Variants in ATP10B observed in about 807,000 individuals in gnomAD.
The protein encoded by ATP10B is ATPase phospholipid transporting 10B (putative).
ATP10B carries 122 observed loss-of-function variants against 141.2 expected under a neutral mutation model. The ratio of observed to expected loss-of-function variants is 0.86; its 90% confidence interval spans 0.75 to 1.00. ATP10B has a LOEUF of 1.00. Among genes scored for constraint, ATP10B ranks in the 50% least tolerant of loss-of-function variants. The pLI is 0.00. For synonymous variants in ATP10B, 685 were observed against 692.0 expected (o/e 0.99, Z 0.16); for missense variants, 1,876 against 1,825.3 (o/e 1.03, Z -0.51).
chr5:160,730,276 G>C (rs757326111), intron 2 of ATP10B, among the ~76,000 whole-genome samples: 1 of 152,118 alleles, frequency 6.6e-6, no homozygotes, highest in Non-Finnish European at 1.5e-5. Context: ...GCTCTGCCTT[G>C]CTGATGAGAT....
At chr5:160,894,195 A>G in the ATP10B span, among the ~76,000 whole-genome samples, 1 of 152,090 alleles carries the variant, frequency 6.6e-6, no homozygotes, top group African/African-American at 2.4e-5. Flanking sequence ...TTGGAGAATG[A>G]GTTTGATGAA....
At chr5:160,590,015 A>C (rs1217307273) in intron 23 of ATP10B, among the ~76,000 whole-genome samples, 1 of 152,184 alleles carries the variant, frequency 6.6e-6, no homozygotes, top group Non-Finnish European at 1.5e-5. Context: ...GCCTACAATG[A>C]GTTTAGTCTA....
the ATP10B span, among the ~76,000 whole-genome samples, chr5:160,860,082 T>C: frequency 6.6e-6 from 1 of 151,936 alleles, no homozygotes; most frequent in East Asian, 1.9e-4. Flanking sequence ...GTGAAGATAA[T>C]CTCTTTTTGG....
chr5:160,847,933 A>G (rs1014087641), intron 1 of ATP10B, among the ~76,000 whole-genome samples: 1 of 152,172 alleles, frequency 6.6e-6, no homozygotes, highest in Non-Finnish European at 1.5e-5. Flanking sequence ...TCTGATATGT[A>G]TATCAGCGCC....
At chr5:160,657,033 C>G (rs945734973) in intron 7 of ATP10B, among the ~76,000 whole-genome samples, 4 of 152,124 alleles carry the variant, frequency 2.6e-5, no homozygotes, top group Non-Finnish European at 5.9e-5. Flanking sequence ...ATAAGGATAG[C>G]AAAATGGCGG....
chr5:160,819,887 C>T (rs1454581528), intron 1 of ATP10B, among the ~76,000 whole-genome samples: 3 of 151,930 alleles, frequency 2.0e-5, no homozygotes, highest in Non-Finnish European at 4.4e-5. Context: ...AAATCACCTT[C>T]ATTTTATGGC....
At chr5:160,631,259 G>A (rs1256660694) in intron 13 of ATP10B, among the ~76,000 whole-genome samples, 6 of 152,208 alleles carry the variant, frequency 3.9e-5, no homozygotes, top group African/African-American at 7.2e-5. Flanking sequence ...TATGTTCCCC[G>A]GAGAAAGAGT....
intron 2 of ATP10B, among the ~76,000 whole-genome samples, chr5:160,750,560 A>T (rs1181216062): frequency 6.6e-6 from 1 of 151,580 alleles, no homozygotes. Flanking sequence ...CTCATCCATG[A>T]CCCACACTGT....
chr5:160,629,947 G>A (rs1758830593), intron 13 of ATP10B, among the ~76,000 whole-genome samples: 1 of 152,190 alleles, frequency 6.6e-6, no homozygotes, highest in Non-Finnish European at 1.5e-5. Flanking sequence ...TTCAGGTGGT[G>A]AAAGAGACAT....
At chr5:160,679,797 C>T (rs1389283455) in intron 6 of ATP10B, among the ~76,000 whole-genome samples, 1 of 152,174 alleles carries the variant, frequency 6.6e-6, no homozygotes, top group East Asian at 1.9e-4. Context: ...TAAGGAACCA[C>T]CCTGGATTCC....
intron 13 of ATP10B, among the ~76,000 whole-genome samples, chr5:160,630,614 G>A (rs187750932): frequency 3.9e-5 from 6 of 152,220 alleles, no homozygotes; most frequent in Middle Eastern, 3.4e-3. Flanking sequence ...AAAATAACTC[G>A]GGGAAGTGCA....
intron 23 of ATP10B, among the ~76,000 whole-genome samples, chr5:160,590,321 G>A (rs1362071711): frequency 6.6e-6 from 1 of 151,994 alleles, no homozygotes; most frequent in Non-Finnish European, 1.5e-5. Context: ...TGTAAGCCAG[G>A]AAGTTCAAGC....
intron 11 of ATP10B, among the ~76,000 whole-genome samples, chr5:160,635,641 T>C (rs1759310346): frequency 6.6e-6 from 1 of 152,226 alleles, no homozygotes; most frequent in Non-Finnish European, 1.5e-5. Flanking sequence ...TTTCATTGAT[T>C]GTATTTTCTT....
At chr5:160,700,632 G>A (rs576356860) in intron 3 of ATP10B, among the ~76,000 whole-genome samples, 1 of 152,034 alleles carries the variant, frequency 6.6e-6, no homozygotes, top group African/African-American at 2.4e-5. Flanking sequence ...AGGTGCTTTG[G>A]GCTGGACATT....
chr5:160,670,625 G>A lies in ATP10B; in HGVS notation c.513C>T (p.Arg171=), dbSNP rs958911. ...ATTTCATTTGGATGAAGTCTCCCAC[G>A]CGCACATCCTTCCAGCACTTCTGCA... ...TYVQKCWKDV[R]VGDFIQMKCN... is the part of the protein sequence containing the mutation. Residue 171 remains arginine, a synonymous_variant, in exon 7 of 26, where the codon CGC becomes CGT. Coordinates refer to ENST00000327245, the MANE Select transcript of ATP10B (RefSeq NM_025153.3). The A allele has an allele frequency of 0.86, 1,391,287 of 1,613,612 alleles. 601,220 individuals are homozygous for A. Among genetic ancestry groups the A allele is most frequent in the African/African-American group, 0.93 (69,380 of 74,966 alleles).
At chr5:160,886,964 T>C in the ATP10B span, among the ~76,000 whole-genome samples, 4 of 152,232 alleles carry the variant, frequency 2.6e-5, no homozygotes, top group Non-Finnish European at 5.9e-5. Context: ...AATGTATTCC[T>C]GGGTAATCAA....
chr5:160,686,366 T>A, intron 5 of ATP10B, 93 bp from the exon 6 acceptor site: 1 of 934,054 alleles, frequency 1.1e-6, no homozygotes, highest in Non-Finnish European at 1.5e-6. Context: ...CTTGATCAAT[T>A]AAACCTTCTC....
rs188097461 is a variant in ATP10B, at chr5:160,642,413, C to T, written c.868+1725G>A. On this transcript the variant is annotated intron_variant, in intron 9 of 25. Coordinates refer to ENST00000327245, the MANE Select transcript of ATP10B (RefSeq NM_025153.3). ...TTTGACTCTGAGGCCCTGTTTTACC[C>T]GTTGATAATGTCAAGGGTGAAATGA... Among the ~76,000 whole-genome samples, 25 of 152,236 alleles carry T rather than the reference C, an allele frequency of 1.6e-4. No individual in the cohort carries two copies. In the East Asian group the frequency reaches 3.7e-3, roughly 22 times the overall value.
At chr5:160,777,838 G>T (rs6898299) in intron 2 of ATP10B, among the ~76,000 whole-genome samples, 22,798 of 152,014 alleles carry the variant, frequency 0.15, 1,854 homozygotes, top group African/African-American at 0.21. Context: ...CATAAATTTT[G>T]GTACATTTCT....
Sources: gnomAD v4.1 joint callset for allele counts (sites outside exome capture counted in the v4.1 genomes callset) on GRCh38, gnomAD v4.1.1 for gene constraint, MANE v1.5 for transcripts, NCBI Gene and HGNC (gene_info 2026-07-23, HGNC 2026-07-21) for gene names.